Variants in RAB11FIP4 observed in about 807,000 individuals in gnomAD.
The protein encoded by RAB11FIP4 is RAB11 family interacting protein 4.
A neutral mutation model predicts 74.3 loss-of-function variants in RAB11FIP4; 23 were observed. That is an observed-to-expected ratio of 0.31 (90% confidence interval 0.22 to 0.44). The LOEUF (loss-of-function observed/expected upper bound fraction) is 0.44, where lower values mean the gene tolerates loss of function less well. Ranked by LOEUF, RAB11FIP4 falls within the 20% of genes least tolerant of loss-of-function variation. The pLI, the probability that RAB11FIP4 is intolerant of heterozygous loss-of-function variation, is 1.00. For missense variants in RAB11FIP4, 630 were observed against 863.9 expected, an observed-to-expected ratio of 0.73 and a Z score of 3.39; for synonymous variants, 360 against 359.9, an observed-to-expected ratio of 1.00 and a Z score of 0.00.
intron 1 of RAB11FIP4, 181 bp from the exon 2 acceptor site, chr17:31,431,632 T>C (rs1343508873): frequency 5.5e-6 from 3 of 547,692 alleles, no homozygotes; most frequent in Non-Finnish European, 9.5e-6. Flanking sequence ...TTTGCCCGAG[T>C]TGTCTGTCAC....
Position 31,528,430 on chromosome 17 carries a change from C to G in RAB11FIP4, c.1381C>G (p.Leu461Val). The G allele has an allele frequency of 6.2e-7, 1 of 1,613,158 alleles. No homozygotes were observed. The highest frequency in any genetic ancestry group is 2.2e-5 in the East Asian group (1 of 44,880). Residue 461 changes from leucine (L) to valine (V), a missense_variant, in exon 12 of 15, where the codon CTG becomes GTG. Transcript: ENST00000621161. ...GGAGCGGCAGCGCATGTCTGACCGT[C>G]TGGAGGACACCAGCCTGCGGCTCAA... ...DEERQRMSDR[L>V]EDTSLRLKDE...
rs541716861 is a variant in RAB11FIP4 at position 31,501,758 on chromosome 17, C to T, written c.337-15893C>T. The T allele has an allele frequency of 4.2e-5, 8 of 188,342 alleles. No individual in the cohort carries two copies. In the East Asian group the frequency reaches 1.1e-3, roughly 25 times the overall value. 11.7% of individuals were successfully genotyped at this position (188,342 alleles called of 1,614,324 possible). On this transcript the variant is annotated intron_variant, in intron 3 of 14. Transcript: ENST00000621161. ...GTCTCAATCTCCTGACCTCGTGATCCGCCCGCCTCGGCCTCCCAAAGTGCT... is the reference window on the plus strand; with the variant it reads ...GTCTCAATCTCCTGACCTCGTGATCTGCCCGCCTCGGCCTCCCAAAGTGCT...
Position 31,507,399 on chromosome 17 carries a change from A to G in RAB11FIP4, c.337-10252A>G, listed in dbSNP as rs552734738. 7.7e-4 allele frequency among the ~76,000 whole-genome samples: 117 copies of G among 152,248 alleles called. 1 individual carries two copies. The highest frequency in any genetic ancestry group is 2.7e-3 in the African/African-American group (112 of 41,532). On this transcript the variant is annotated intron_variant, in intron 3 of 14. Coordinates refer to ENST00000621161, the MANE Select transcript of RAB11FIP4 (RefSeq NM_032932.6). ...GATGATAGCCATTCTTATTAGGGTG[A>G]GGTGGTATCTCATTGTGGTTTTGAT...
intron 3 of RAB11FIP4, among the ~76,000 whole-genome samples, chr17:31,466,325 A>G (rs1215692086): frequency 1.3e-5 from 2 of 152,160 alleles, no homozygotes; most frequent in Non-Finnish European, 2.9e-5. Flanking sequence ...CGCCACTTCT[A>G]GTCCTGTGAC....
At chr17:31,460,612 C>A (rs964490765) in intron 3 of RAB11FIP4, among the ~76,000 whole-genome samples, 8 of 152,122 alleles carry the variant, frequency 5.3e-5, no homozygotes, top group Non-Finnish European at 1.2e-4. Flanking sequence ...TGGCAAAGAA[C>A]CATTAATTTC....
chr17:31,393,034 C>T (rs1390684286), intron 1 of RAB11FIP4, among the ~76,000 whole-genome samples: 1 of 152,214 alleles, frequency 6.6e-6, no homozygotes, highest in Non-Finnish European at 1.5e-5. Flanking sequence ...TGGGTGATGG[C>T]CAGGTTGGGC....
chr17:31,436,206 T>A (rs2071355723), intron 3 of RAB11FIP4, among the ~76,000 whole-genome samples: 1 of 152,168 alleles, frequency 6.6e-6, no homozygotes, highest in Admixed American at 6.5e-5. Context: ...TGTCCTCAAC[T>A]GTAAAACAAG....
chr17:31,441,508 A>T (rs2151631592), intron 3 of RAB11FIP4, among the ~76,000 whole-genome samples: 1 of 149,822 alleles, frequency 6.7e-6, no homozygotes, highest in South Asian at 2.1e-4. Context: ...ACCCTATTAA[A>T]CTCTCCTTAT....
chr17:31,424,653 G>A (rs1213052603), intron 1 of RAB11FIP4, among the ~76,000 whole-genome samples: 2 of 147,844 alleles, frequency 1.4e-5, no homozygotes, highest in Admixed American at 6.9e-5. Flanking sequence ...TCGGCTCACT[G>A]CAACCTCCGC....
At position 31,391,819 on chromosome 17, in the gene RAB11FIP4, C is replaced by A. The variant is rs867473671; in HGVS notation, c.-34C>A. 1 of 987,566 alleles carries A rather than the reference C, an allele frequency of 1.0e-6. No individual in the cohort carries two copies. Among genetic ancestry groups the A allele is most frequent in the Non-Finnish European group, 1.2e-6 (1 of 832,478 alleles). The allele number at this position is 987,566 out of a possible 1,614,324, so 61.2% of individuals were successfully genotyped here. A position where few individuals can be genotyped will look rare whatever the true frequency, so the allele number is the denominator to read the frequency against. ...GCGGGCAGGCGGCGGGCGCGGCGGG[C>A]GAGGGGTCCGGGCTGAGCTGCGGGC... On this transcript the variant is annotated 5_prime_UTR_variant, in exon 1 of 15. Coordinates refer to ENST00000621161, the MANE Select transcript of RAB11FIP4 (RefSeq NM_032932.6).
chr17:31,536,609 C>A lies in RAB11FIP4; in HGVS notation c.*4877C>A, dbSNP rs2072968256. ...CTAGGAAGACTGAGGTCTGCTGCGC[C>A]AAGGGGCCTCAAGTTAGAAGGGCCA... is the stretch of plus-strand genomic sequence containing the variant. On this transcript the variant is annotated 3_prime_UTR_variant, in exon 15 of 15. Coordinates refer to ENST00000621161, the MANE Select transcript of RAB11FIP4 (RefSeq NM_032932.6). The A allele has an allele frequency of 5.7e-6, 1 of 174,410 alleles. No homozygotes were observed. Among genetic ancestry groups the A allele is most frequent in the Admixed American group, 6.3e-5 (1 of 15,920 alleles). 10.8% of individuals were successfully genotyped at this position (174,410 alleles called of 1,614,324 possible). A position where few individuals can be genotyped will look rare whatever the true frequency, so the allele number is the denominator to read the frequency against.
chr17:31,411,932 C>G (rs75927134), intron 1 of RAB11FIP4, among the ~76,000 whole-genome samples: 101 of 152,366 alleles, frequency 6.6e-4, no homozygotes, highest in Middle Eastern at 3.4e-3. Context: ...GGCCATCGTC[C>G]TTGCCTCAGT....
intron 7 of RAB11FIP4, chr17:31,523,179 G>A: frequency 2.7e-6 from 1 of 367,644 alleles, no homozygotes; most frequent in Non-Finnish European, 5.2e-6. Context: ...CTTCCCCACT[G>A]GAAGAGGAGG....
In RAB11FIP4 at chr17:31,464,054, T is replaced by TCCG. The variant is rs1228360082; in HGVS notation, c.336+29935_336+29937dup. 2.6e-5 allele frequency among the ~76,000 whole-genome samples: 4 copies of TCCG among 152,082 alleles called. No homozygotes were observed. The South Asian group carries it at 6.2e-4, about 24-fold the overall frequency. ...GTCTTGAACTCCCAACCTCAGGTCA[T>TCCG]CCGCCCACCCCATTCTCCCAAAGTG... is the stretch of plus-strand genomic sequence containing the variant. On this transcript the variant is annotated intron_variant, in intron 3 of 14. Transcript: ENST00000621161.
At chr17:31,417,012 C>T (rs1008645316) in intron 1 of RAB11FIP4, among the ~76,000 whole-genome samples, 5 of 151,756 alleles carry the variant, frequency 3.3e-5, no homozygotes, top group African/African-American at 9.7e-5. Flanking sequence ...CTCTTGATGA[C>T]GCCCCCTCCC....
chr17:31,396,618 C>T (rs2070933871), intron 1 of RAB11FIP4, among the ~76,000 whole-genome samples: 1 of 152,220 alleles, frequency 6.6e-6, no homozygotes. Context: ...AGGTCAAGAT[C>T]TGGCACCGGC....
intron 1 of RAB11FIP4, among the ~76,000 whole-genome samples, chr17:31,406,972 G>A (rs189635167): frequency 1.6e-5 from 2 of 127,824 alleles, no homozygotes; most frequent in African/African-American, 5.8e-5. Flanking sequence ...AAGCCATTTT[G>A]TTTATAACCC....
intron 1 of RAB11FIP4, among the ~76,000 whole-genome samples, chr17:31,424,157 C>T (rs1307167575): frequency 6.6e-6 from 1 of 152,190 alleles, no homozygotes; most frequent in Non-Finnish European, 1.5e-5. Context: ...GCAAGCTCAC[C>T]ACCGTATTCA....
At chr17:31,461,390 G>A (rs1021770096) in intron 3 of RAB11FIP4, among the ~76,000 whole-genome samples, 1 of 152,178 alleles carries the variant, frequency 6.6e-6, no homozygotes, top group South Asian at 2.1e-4. Context: ...TTGGCACTGA[G>A]CACTGATGTA....
Sources: allele counts gnomAD v4.1 joint callset (sites outside exome capture counted in the v4.1 genomes callset), GRCh38; gene constraint gnomAD v4.1.1; transcripts MANE v1.5; gene names NCBI Gene and HGNC (gene_info 2026-07-23, HGNC 2026-07-21).